Variants in MSH3 observed in about 807,000 individuals in gnomAD.
The protein encoded by MSH3 is mutS homolog 3, also known as DNA mismatch repair protein Msh3.
In MSH3, 106 loss-of-function variants were observed where a neutral mutation model predicts 123.3. The observed-to-expected ratio is 0.86, with a 90% CI of 0.73 to 1.01. The LOEUF is 1.01. Among genes scored for constraint, MSH3 ranks in the 50% least tolerant of loss-of-function variants. MSH3 has a pLI of 0.00. For synonymous variants in MSH3, 515 were observed against 481.4 expected (o/e 1.07, Z -0.91); for missense variants, 1,459 against 1,347.6 (o/e 1.08, Z -1.29).
chr5:80,805,806 G>C (rs777045751), intron 19 of MSH3, among the ~76,000 whole-genome samples: 4 of 151,908 alleles, frequency 2.6e-5, no homozygotes, highest in Non-Finnish European at 5.9e-5. Context: ...TGCCCTGGCT[G>C]GTCTCAAACT....
intron 20 of MSH3, among the ~76,000 whole-genome samples, chr5:80,834,029 G>C (rs1745464810): frequency 6.6e-6 from 1 of 152,180 alleles, no homozygotes; most frequent in African/African-American, 2.4e-5. Flanking sequence ...TCAATAAACA[G>C]TTCCCACAAT....
At chr5:80,829,015 C>T (rs979347758) in intron 20 of MSH3, among the ~76,000 whole-genome samples, 1 of 152,222 alleles carries the variant, frequency 6.6e-6, no homozygotes, top group Non-Finnish European at 1.5e-5. Context: ...CTAGACATTA[C>T]CCCACTTGGG....
chr5:80,846,919 C>T (rs1205994988), intron 20 of MSH3, among the ~76,000 whole-genome samples: 4 of 152,170 alleles, frequency 2.6e-5, no homozygotes, highest in Non-Finnish European at 5.9e-5. Context: ...CCATAGGCTG[C>T]ACCCACTGTC....
intron 8 of MSH3, among the ~76,000 whole-genome samples, chr5:80,697,997 C>A (rs930452032): frequency 2.6e-5 from 4 of 151,950 alleles, no homozygotes. Flanking sequence ...AGCCTTGACC[C>A]CCCAGGCTCA....
intron 20 of MSH3, among the ~76,000 whole-genome samples, chr5:80,829,081 G>A (rs543904071): frequency 1.2e-4 from 19 of 152,286 alleles, no homozygotes; most frequent in Admixed American, 8.5e-4. Context: ...ATTAATCCAC[G>A]AATGGATTAA....
intron 21 of MSH3, among the ~76,000 whole-genome samples, chr5:80,859,914 T>C (rs907964220): frequency 3.3e-5 from 5 of 152,144 alleles, no homozygotes; most frequent in African/African-American, 1.2e-4. Flanking sequence ...GTTATATTTC[T>C]TGTTTTACTT....
intron 8 of MSH3, among the ~76,000 whole-genome samples, chr5:80,693,687 T>C (rs1275291102): frequency 6.6e-6 from 1 of 151,804 alleles, no homozygotes; most frequent in Non-Finnish European, 1.5e-5. Flanking sequence ...GATGGGAGTC[T>C]CACTCTGTCA....
intron 21 of MSH3, 140 bp from the exon 22 acceptor site, chr5:80,864,672 AC>A (rs1262844821): frequency 3.0e-6 from 2 of 675,412 alleles, no homozygotes; most frequent in Non-Finnish European, 5.0e-6. Flanking sequence ...ATCTAGGTAA[AC>A]AGTATATAAT....
intron 16 of MSH3, among the ~76,000 whole-genome samples, chr5:80,778,504 A>G (rs1355211298): frequency 6.6e-6 from 1 of 152,196 alleles, no homozygotes; most frequent in Admixed American, 6.5e-5. Flanking sequence ...CTATATGGGT[A>G]TAATTTGAAA....
chr5:80,729,458 GTGTATA>G (rs1272519823), intron 10 of MSH3, among the ~76,000 whole-genome samples: 58 of 81,600 alleles, frequency 7.1e-4, no homozygotes, highest in South Asian at 4.2e-3. Context: ...GTGTGTGTGT[GTGTATA>G]TATATATATA....
intron 20 of MSH3, among the ~76,000 whole-genome samples, chr5:80,851,564 T>A (rs919121917): frequency 6.6e-6 from 1 of 152,274 alleles, no homozygotes. Context: ...TTATAATTAC[T>A]GTAAGTTTTT....
intron 8 of MSH3, among the ~76,000 whole-genome samples, chr5:80,710,010 A>T (rs776667903): frequency 6.6e-6 from 1 of 152,164 alleles, no homozygotes; most frequent in African/African-American, 2.4e-5. Context: ...ACCCAATTAC[A>T]TCTATTCTAA....
intron 20 of MSH3, among the ~76,000 whole-genome samples, chr5:80,815,851 A>G (rs1027674516): frequency 5.3e-5 from 8 of 152,208 alleles, no homozygotes; most frequent in African/African-American, 1.9e-4. Context: ...TGGGAATACA[A>G]TCAGTGGTAA....
At chr5:80,859,046 G>A (rs1003625918) in intron 21 of MSH3, among the ~76,000 whole-genome samples, 8 of 151,648 alleles carry the variant, frequency 5.3e-5, no homozygotes, top group African/African-American at 1.9e-4. Flanking sequence ...AATTAATATA[G>A]CTACTCTAAC....
chr5:80,786,011 A>G (rs1367642154), intron 17 of MSH3, among the ~76,000 whole-genome samples: 5 of 143,590 alleles, frequency 3.5e-5, no homozygotes, highest in African/African-American at 5.2e-5. Context: ...GGAAGGGGGG[A>G]GGGATAACAT....
chr5:80,842,869 C>T (rs376405945), intron 20 of MSH3, among the ~76,000 whole-genome samples: 7 of 152,280 alleles, frequency 4.6e-5, no homozygotes, highest in South Asian at 4.1e-4. Context: ...ATTTGACTTC[C>T]TCTTTTCCTA....
chr5:80,730,904 T>C (rs1743399193), intron 10 of MSH3, among the ~76,000 whole-genome samples: 1 of 146,830 alleles, frequency 6.8e-6, no homozygotes, highest in South Asian at 2.2e-4. Flanking sequence ...ATTTTTTTTT[T>C]TTTCTTTTTT....
chr5:80,661,171 G>A (rs888366288), intron 2 of MSH3, among the ~76,000 whole-genome samples: 10 of 152,128 alleles, frequency 6.6e-5, no homozygotes, highest in African/African-American at 2.4e-4. Context: ...AGCTTCTCGA[G>A]TCTGTGGGTT....
chr5:80,693,598 A>T (rs1273147826), intron 8 of MSH3, among the ~76,000 whole-genome samples: 3 of 147,078 alleles, frequency 2.0e-5, no homozygotes, highest in Non-Finnish European at 4.5e-5. Context: ...AATATATATA[A>T]ACATACATAT....
Sources: allele counts gnomAD v4.1 joint callset (sites outside exome capture counted in the v4.1 genomes callset), GRCh38; gene constraint gnomAD v4.1.1; transcripts MANE v1.5; gene names NCBI Gene and HGNC (gene_info 2026-07-23, HGNC 2026-07-21).